The following B3GALT1 variants were observed in gnomAD, a reference collection of about 807,000 sequenced individuals.
The protein encoded by B3GALT1 is beta-1,3-galactosyltransferase 1, also known as UDP-Gal:betaGlcNAc beta 1,3-galactosyltransferase, polypeptide 1.
A neutral mutation model predicts 23.2 loss-of-function variants in B3GALT1; 10 were observed. The observed-to-expected ratio is 0.43, with a 90% confidence interval of 0.27 to 0.73. B3GALT1 has a LOEUF of 0.73. Ranked by LOEUF, B3GALT1 falls within the 30% of genes least tolerant of loss-of-function variation. The pLI, the probability that B3GALT1 is intolerant of heterozygous loss-of-function variation, is 0.21. For synonymous variants in B3GALT1, 156 were observed against 141.5 expected, an observed-to-expected ratio of 1.10 and a Z score of -0.73; for missense variants, 299 against 405.4, an observed-to-expected ratio of 0.74 and a Z score of 2.25.
At chr2:167,731,949 C>A (rs1193124054) in intron 3 of B3GALT1, among the ~76,000 whole-genome samples, 2 of 152,184 alleles carry the variant, frequency 1.3e-5, no homozygotes, top group African/African-American at 4.8e-5. Flanking sequence ...TACAGACTTT[C>A]ACTTTGCTTT....
At position 167,681,067 on chromosome 2, in the gene B3GALT1, A is replaced by G. The variant is rs1490198398; in HGVS notation, c.-352+34101A>G. ...ATAAAACATGACAACAAAGGCTGTG[A>G]CAAGGAGCTCTGTATAACCAGAAAT... On this transcript the variant is annotated intron_variant, in intron 3 of 4. Coordinates refer to ENST00000392690, the MANE Select transcript of B3GALT1 (RefSeq NM_020981.4). 2.0e-5 allele frequency among the ~76,000 whole-genome samples: 3 copies of G among 152,198 alleles called. No individual in the cohort carries two copies. In the South Asian group the frequency reaches 6.2e-4, roughly 32 times the overall value.
At chr2:167,782,995 A>G (rs1688273716) in intron 3 of B3GALT1, among the ~76,000 whole-genome samples, 1 of 152,212 alleles carries the variant, frequency 6.6e-6, no homozygotes, top group Non-Finnish European at 1.5e-5. Context: ...GTATGGGCAC[A>G]GAATCTGGTG....
At chr2:167,667,039 C>T (rs1574200701) in intron 3 of B3GALT1, among the ~76,000 whole-genome samples, 1 of 151,692 alleles carries the variant, frequency 6.6e-6, no homozygotes, top group East Asian at 1.9e-4. Flanking sequence ...CAGTTTCTTC[C>T]TAGTCTCGAT....
intron 1 of B3GALT1, among the ~76,000 whole-genome samples, chr2:167,402,052 T>A (rs1177223826): frequency 6.6e-6 from 1 of 152,178 alleles, no homozygotes. Context: ...GACTAGCTTT[T>A]AAGAAATTCA....
intron 2 of B3GALT1, among the ~76,000 whole-genome samples, chr2:167,626,108 T>C (rs1456138253): frequency 1.3e-5 from 2 of 151,034 alleles, no homozygotes; most frequent in African/African-American, 4.9e-5. Context: ...GAAGGTGATT[T>C]GAAAAGAAAC....
intron 2 of B3GALT1, among the ~76,000 whole-genome samples, chr2:167,547,162 G>A (rs553843159): frequency 6.6e-6 from 1 of 152,156 alleles, no homozygotes; most frequent in African/African-American, 2.4e-5. Context: ...TACTGCTGCT[G>A]TTGCTGCTGC....
At chr2:167,298,022 C>T (rs1696384107) in intron 1 of B3GALT1, among the ~76,000 whole-genome samples, 1 of 152,096 alleles carries the variant, frequency 6.6e-6, no homozygotes, top group Non-Finnish European at 1.5e-5. Context: ...AAGCCTTTAT[C>T]TTTTTTGCCC....
At chr2:167,490,978 C>G (rs1699700151) in intron 2 of B3GALT1, among the ~76,000 whole-genome samples, 1 of 152,170 alleles carries the variant, frequency 6.6e-6, no homozygotes, top group African/African-American at 2.4e-5. Flanking sequence ...TAAAGAAGCT[C>G]TTCCTTAGAG....
chr2:167,666,562 C>G (rs542648327), intron 3 of B3GALT1, among the ~76,000 whole-genome samples: 1 of 151,110 alleles, frequency 6.6e-6, no homozygotes, highest in African/African-American at 2.4e-5. Context: ...TTAAAGTCTC[C>G]CATTATTAAT....
At chr2:167,637,408 TATG>T (rs1340096478) in intron 2 of B3GALT1, among the ~76,000 whole-genome samples, 13 of 151,972 alleles carry the variant, frequency 8.6e-5, no homozygotes, top group African/African-American at 3.1e-4. Flanking sequence ...ATGGGGCACA[TATG>T]ATATTTTGTT....
chr2:167,344,483 A>G (rs930264371), intron 1 of B3GALT1, among the ~76,000 whole-genome samples: 2 of 152,284 alleles, frequency 1.3e-5, no homozygotes, highest in African/African-American at 4.8e-5. Flanking sequence ...CTTTGGGTAG[A>G]TGAATGCAAT....
chr2:167,386,138 C>T (rs1386547855), intron 1 of B3GALT1, among the ~76,000 whole-genome samples: 1 of 152,142 alleles, frequency 6.6e-6, no homozygotes, highest in Non-Finnish European at 1.5e-5. Flanking sequence ...GATTGATACA[C>T]AGTAGGAACT....
chr2:167,653,037 G>T (rs571032396), intron 3 of B3GALT1, among the ~76,000 whole-genome samples: 3 of 152,160 alleles, frequency 2.0e-5, no homozygotes, highest in South Asian at 4.2e-4. Context: ...ACATCCTAAG[G>T]ATTTGTGGAG....
At chr2:167,297,458 A>C (rs185040001) in intron 1 of B3GALT1, among the ~76,000 whole-genome samples, 132 of 152,184 alleles carry the variant, frequency 8.7e-4, no homozygotes, top group African/African-American at 2.8e-3. Context: ...AAAAAAATAA[A>C]AAGACTCATG....
At position 167,552,735 on chromosome 2, in the gene B3GALT1, G is replaced by T. The variant is rs141485201; in HGVS notation, c.-410+62458G>T. Among the ~76,000 whole-genome samples the T allele has an allele frequency of 5.4e-3, 815 of 152,244 alleles. 5 individuals are homozygous for T. Among genetic ancestry groups the T allele is most frequent in the African/African-American group, 0.018 (747 of 41,536 alleles). ...GATTCCTTCATTCTGATGTGGCTTT[G>T]ACTTTCTCCAAGGATACTAGTGAGC... On this transcript the variant is annotated intron_variant, in intron 2 of 4. Coordinates refer to ENST00000392690, the MANE Select transcript of B3GALT1 (RefSeq NM_020981.4).
intron 1 of B3GALT1, among the ~76,000 whole-genome samples, chr2:167,483,531 A>G (rs960894260): frequency 1.6e-4 from 25 of 152,344 alleles, no homozygotes; most frequent in African/African-American, 6.0e-4. Context: ...CTGGTTTAAT[A>G]TAGAATTCAA....
chr2:167,651,355 G>GAGTT (rs1685863472), intron 3 of B3GALT1, among the ~76,000 whole-genome samples: 1 of 151,914 alleles, frequency 6.6e-6, no homozygotes, highest in Non-Finnish European at 1.5e-5. Context: ...AGAATAGGTA[G>GAGTT]AGTTTAGTCC....
chr2:167,570,947 G>T (rs974934071), intron 2 of B3GALT1, among the ~76,000 whole-genome samples: 3 of 151,900 alleles, frequency 2.0e-5, no homozygotes, highest in Admixed American at 2.0e-4. Context: ...AACAAATTTA[G>T]TTTCGCAAGT....
intron 2 of B3GALT1, among the ~76,000 whole-genome samples, chr2:167,601,896 T>C (rs2105424503): frequency 6.6e-6 from 1 of 152,212 alleles, no homozygotes; most frequent in East Asian, 1.9e-4. Flanking sequence ...TATCTGTAAA[T>C]AATTGAATAC....
Sources: gnomAD v4.1 joint callset for allele counts (sites outside exome capture counted in the v4.1 genomes callset) on GRCh38, gnomAD v4.1.1 for gene constraint, MANE v1.5 for transcripts, NCBI Gene and HGNC (gene_info 2026-07-23, HGNC 2026-07-21) for gene names.